The following KCND3 variants were observed in gnomAD, a reference collection of about 807,000 sequenced individuals.
KCND3 encodes the protein A-type voltage-gated potassium channel KCND3.
In KCND3, 9 loss-of-function variants were observed where a neutral mutation model predicts 51.1. That is an observed-to-expected ratio of 0.18 (90% confidence interval 0.11 to 0.31). The LOEUF (loss-of-function observed/expected upper bound fraction) is 0.31. Among genes scored for constraint, KCND3 ranks in the 10% least tolerant of loss-of-function variants. The pLI is 1.00. For synonymous variants in KCND3, 349 were observed against 368.0 expected, an observed-to-expected ratio of 0.95 and a Z score of 0.59; for missense variants, 526 against 903.8, an observed-to-expected ratio of 0.58 and a Z score of 5.36.
At chr1:111,824,488 G>C (rs1389718029) in intron 2 of KCND3, among the ~76,000 whole-genome samples, 6 of 152,228 alleles carry the variant, frequency 3.9e-5, no homozygotes, top group African/African-American at 1.4e-4. Flanking sequence ...TTAAGGAACT[G>C]AGCCTGAAGC....
intron 2 of KCND3, among the ~76,000 whole-genome samples, chr1:111,960,369 T>C (rs769974697): frequency 1.2e-4 from 19 of 152,232 alleles, no homozygotes; most frequent in Non-Finnish European, 2.4e-4. Context: ...TTCTGAAGGA[T>C]GCTGATCCTC....
chr1:111,795,431 A>C (rs1665014057), intron 2 of KCND3, among the ~76,000 whole-genome samples: 1 of 152,254 alleles, frequency 6.6e-6, no homozygotes, highest in East Asian at 1.9e-4. Flanking sequence ...TTTATTTAGC[A>C]TAAGTATGGG....
chr1:111,780,204 T>C lies in KCND3; in HGVS notation c.1461+21A>G. On this transcript the variant is annotated intron_variant, in intron 5 of 7. Transcript: ENST00000302127. The surrounding 1 kb of genome is among the most constrained non-coding windows in gnomAD (Gnocchi z 4.2). ...GTCAGGGTCAGCGATGAAAAGGAGG[T>C]GGCAAAGGGCTGGGACTCACAGTGG... 1 of 1,566,696 alleles carries C rather than the reference T, an allele frequency of 6.4e-7. No homozygotes were observed. The highest frequency in any genetic ancestry group is 8.7e-7 in the Non-Finnish European group (1 of 1,154,560).
intron 2 of KCND3, among the ~76,000 whole-genome samples, chr1:111,885,255 C>T (rs760673273): frequency 2.2e-4 from 33 of 152,166 alleles, no homozygotes; most frequent in South Asian, 2.1e-4. Flanking sequence ...TGATTTATGA[C>T]GGGCATCAGC....
At chr1:111,936,567 C>T (rs571184246) in intron 2 of KCND3, among the ~76,000 whole-genome samples, 14 of 152,252 alleles carry the variant, frequency 9.2e-5, no homozygotes, top group South Asian at 2.1e-4. Flanking sequence ...TCAAGGCATG[C>T]GGCGGGACAG....
chr1:111,818,001 A>G (rs960971285), intron 2 of KCND3, among the ~76,000 whole-genome samples: 1 of 151,792 alleles, frequency 6.6e-6, no homozygotes, highest in Non-Finnish European at 1.5e-5. Context: ...AGGTTAGCCT[A>G]ATACCAGGTG....
intron 2 of KCND3, among the ~76,000 whole-genome samples, chr1:111,867,758 G>C (rs1297419997): frequency 6.6e-6 from 1 of 152,246 alleles, no homozygotes. Flanking sequence ...TAGAGGTGAA[G>C]AGTAGAATTT....
intron 2 of KCND3, among the ~76,000 whole-genome samples, chr1:111,876,902 C>A (rs1571781199): frequency 6.6e-6 from 1 of 152,336 alleles, no homozygotes; most frequent in Middle Eastern, 3.4e-3. Flanking sequence ...CAGCATCAAG[C>A]CTGGCTCCCA....
intron 2 of KCND3, among the ~76,000 whole-genome samples, chr1:111,953,751 T>C (rs1673176978): frequency 2.6e-5 from 4 of 152,218 alleles, no homozygotes; most frequent in African/African-American, 4.8e-5. Flanking sequence ...CCCAGAGAGC[T>C]TGGGAGCAGG....
intron 2 of KCND3, among the ~76,000 whole-genome samples, chr1:111,813,355 T>A (rs1022583730): frequency 5.9e-5 from 9 of 152,208 alleles, no homozygotes; most frequent in African/African-American, 2.2e-4. Context: ...AAAAAATACA[T>A]GAAGAGTCAG....
intron 2 of KCND3, among the ~76,000 whole-genome samples, chr1:111,974,412 C>T (rs995614331): frequency 4.6e-5 from 7 of 151,672 alleles, no homozygotes; most frequent in African/African-American, 1.7e-4. Context: ...AGGATGAACA[C>T]TTAAGGTATG....
At chr1:111,847,752 G>T (rs1222814735) in intron 2 of KCND3, among the ~76,000 whole-genome samples, 1 of 152,182 alleles carries the variant, frequency 6.6e-6, no homozygotes, top group Non-Finnish European at 1.5e-5. Context: ...TGCAGCAGCT[G>T]GAGAGGGAGG....
intron 2 of KCND3, among the ~76,000 whole-genome samples, chr1:111,921,510 G>A (rs1308940363): frequency 3.2e-4 from 49 of 152,336 alleles, no homozygotes; most frequent in Non-Finnish European, 1.5e-5. Flanking sequence ...GCAGGAAGCT[G>A]TGTCTACCTC....
chr1:111,869,330 T>C (rs996245907), intron 2 of KCND3, among the ~76,000 whole-genome samples: 1 of 152,124 alleles, frequency 6.6e-6, no homozygotes, highest in African/African-American at 2.4e-5. Context: ...CCCCCAGGAA[T>C]CCTAGATATG....
intron 2 of KCND3, among the ~76,000 whole-genome samples, chr1:111,954,489 T>C (rs1382493815): frequency 2.6e-5 from 4 of 152,244 alleles, no homozygotes; most frequent in Non-Finnish European, 5.9e-5. Flanking sequence ...CCAGATTTCA[T>C]CTGGGGTGCA....
At chr1:111,985,451 A>G (rs979953619) in intron 1 of KCND3, among the ~76,000 whole-genome samples, 13 of 152,188 alleles carry the variant, frequency 8.5e-5, no homozygotes, top group Non-Finnish European at 1.9e-4. Flanking sequence ...CCTATCCCAC[A>G]CTAAGCTCTT....
At chr1:111,957,099 G>C (rs573556093) in intron 2 of KCND3, among the ~76,000 whole-genome samples, 1 of 152,146 alleles carries the variant, frequency 6.6e-6, no homozygotes. Flanking sequence ...CATTAATTAT[G>C]ATCCCTCTGA....
chr1:111,939,800 C>A (rs561025784), intron 2 of KCND3, among the ~76,000 whole-genome samples: 1 of 152,224 alleles, frequency 6.6e-6, no homozygotes, highest in Non-Finnish European at 1.5e-5. Context: ...GGAATCGCCA[C>A]ACTGTCTTCC....
rs1038207512 is a variant in KCND3, at chr1:111,772,880, T to A, written c.*3197A>T. On this transcript the variant is annotated 3_prime_UTR_variant, in exon 8 of 8. Coordinates refer to ENST00000302127, the MANE Select transcript of KCND3 (RefSeq NM_001378969.1). ...ACTATGAAAGCTCAAGGGTCATGGC[T>A]ATTGGCCCCCAGAAAATCCTGATAT... 1.3e-5 allele frequency: 2 copies of A among 152,240 alleles called. No homozygotes were observed. The highest frequency in any genetic ancestry group is 2.9e-5 in the Non-Finnish European group (2 of 68,044). 9.4% of individuals were successfully genotyped at this position (152,240 alleles called of 1,614,324 possible).
Sources: gnomAD v4.1 joint callset for allele counts (sites outside exome capture counted in the v4.1 genomes callset) on GRCh38, gnomAD v4.1.1 for gene constraint, Gnocchi (gnomAD v3.1) non-coding constraint, MANE v1.5 for transcripts, NCBI Gene and HGNC (gene_info 2026-07-23, HGNC 2026-07-21) for gene names.